The following NEBL variants were observed in gnomAD, a reference collection of about 807,000 sequenced individuals.
NEBL encodes the protein LIM and SH3 protein 2.
A neutral mutation model predicts 140.2 loss-of-function variants in NEBL; 122 were observed. The ratio of observed to expected loss-of-function variants is 0.87; its 90% CI spans 0.75 to 1.01. The LOEUF (loss-of-function observed/expected upper bound fraction) is 1.01, where lower values mean the gene tolerates loss of function less well. Ranked by LOEUF, NEBL falls within the 50% of genes least tolerant of loss-of-function variation. NEBL has a pLI of 0.00. For synonymous variants in NEBL, 436 were observed against 398.9 expected (o/e 1.09, Z -1.11); for missense variants, 1,365 against 1,231.3 (o/e 1.11, Z -1.62).
chr10:20,810,650 C>G (rs1326204523), intron 24 of NEBL, among the ~76,000 whole-genome samples: 1 of 152,200 alleles, frequency 6.6e-6, no homozygotes, highest in Non-Finnish European at 1.5e-5. Flanking sequence ...ATTTTAATAA[C>G]TTCTGAATTC....
chr10:20,890,064 G>A, intron 2 of NEBL, 115 bp from the exon 3 acceptor site: 2 of 687,258 alleles, frequency 2.9e-6, no homozygotes, highest in Non-Finnish European at 5.0e-6. Flanking sequence ...ACTCAAGTGT[G>A]AAAGGGACCT....
chr10:21,029,233 G>A, intron 2 of NEBL: 3 of 1,504,654 alleles, frequency 2.0e-6, no homozygotes, highest in Non-Finnish European at 2.8e-6. Flanking sequence ...TGCTCCACCG[G>A]CTGCTCGGGA....
rs1838192482 is a variant in NEBL at position 20,811,939 on chromosome 10, CA to C, written c.2518+829del. Among the ~76,000 whole-genome samples, 3 of 152,190 alleles carry C rather than the reference CA, an allele frequency of 2.0e-5. No individual in the cohort carries two copies. The South Asian group carries it at 6.2e-4, about 31-fold the overall frequency. ...TTCAGTATGATCTTTTCTGATATCT[CA>C]GCCACCATTCAACAAATATCCTTCT... On this transcript the variant is annotated intron_variant, in intron 24 of 27. Transcript: ENST00000377122.
chr10:20,958,195 A>G (rs1316069444), intron 4 of NEBL, among the ~76,000 whole-genome samples: 2 of 152,234 alleles, frequency 1.3e-5, no homozygotes, highest in Non-Finnish European at 2.9e-5. Context: ...CCTTGGGCAC[A>G]GTATTCCTCA....
chr10:20,819,358 G>T (rs906130401), intron 20 of NEBL, 66 bp downstream of exon 20: 2 of 1,609,988 alleles, frequency 1.2e-6, no homozygotes, highest in Non-Finnish European at 1.7e-6. Flanking sequence ...GCCTTCCAAA[G>T]GGCATATTTT....
intron 19 of NEBL, among the ~76,000 whole-genome samples, chr10:20,819,780 A>G (rs972543963): frequency 1.3e-5 from 2 of 152,012 alleles, no homozygotes; most frequent in African/African-American, 4.8e-5. Context: ...GCTGGAGTGC[A>G]GTGGCGTCAT....
intron 2 of NEBL, among the ~76,000 whole-genome samples, chr10:21,071,781 CA>C (rs2131905538): frequency 6.8e-6 from 1 of 146,466 alleles, no homozygotes; most frequent in South Asian, 2.2e-4. Context: ...ATCAGAGGTC[CA>C]AAATCAAAGT....
chr10:21,256,948 A>C (rs1366635952), intron 1 of NEBL, among the ~76,000 whole-genome samples: 1 of 152,224 alleles, frequency 6.6e-6, no homozygotes, highest in Non-Finnish European at 1.5e-5. Flanking sequence ...AAGCAGAAAT[A>C]CCATATAATG....
chr10:20,972,599 T>C lies in NEBL; in HGVS notation c.250-10820A>G, dbSNP rs542797637. On this transcript the variant is annotated intron_variant, in intron 3 of 6. Transcript: ENST00000417816. Reference sequence around the variant, plus strand: ...CTCTACTAAAAATACAAAAAAAAATTAGCTGGGCATGGCAGTGCGCACCTG... The same window carrying C: ...CTCTACTAAAAATACAAAAAAAAATCAGCTGGGCATGGCAGTGCGCACCTG... 5.9e-5 allele frequency among the ~76,000 whole-genome samples: 9 copies of C among 151,756 alleles called. No homozygotes were observed. The East Asian group carries it at 1.2e-3, about 20-fold the overall frequency.
chr10:20,993,456 A>C (rs1355110582), intron 3 of NEBL, among the ~76,000 whole-genome samples: 1 of 152,246 alleles, frequency 6.6e-6, no homozygotes, highest in African/African-American at 2.4e-5. Context: ...AAACTAGCCC[A>C]AAAGTCAGTG....
rs569862693 is a variant in NEBL at position 20,923,604 on chromosome 10, G to A, written c.357+38068C>T. Among the ~76,000 whole-genome samples the A allele has an allele frequency of 7.3e-5, 10 of 136,484 alleles. No homozygotes were observed. In the East Asian group the frequency reaches 8.6e-4, roughly 12 times the overall value. The allele number at this position is 136,484 out of a possible 152,430, so 89.5% of individuals were successfully genotyped here. ...TGAGTCAGGAGAATCGCTTGAACCC[G>A]GGAGGTGGAAATTGCAGTGAGCCGA... On this transcript the variant is annotated intron_variant, in intron 4 of 6. Transcript: ENST00000417816.
intron 4 of NEBL, among the ~76,000 whole-genome samples, chr10:20,935,401 T>C (rs1402774666): frequency 6.6e-6 from 1 of 152,162 alleles, no homozygotes; most frequent in African/African-American, 2.4e-5. Context: ...ATTATCAGCA[T>C]CTCTTCATCG....
At chr10:21,055,913 G>A (rs1168737254) in intron 2 of NEBL, among the ~76,000 whole-genome samples, 2 of 152,218 alleles carry the variant, frequency 1.3e-5, no homozygotes, top group Non-Finnish European at 2.9e-5. Flanking sequence ...ATCAGCCAGA[G>A]TATCTTGGCT....
intron 7 of NEBL, among the ~76,000 whole-genome samples, chr10:20,861,660 C>T (rs776892837): frequency 6.6e-6 from 1 of 152,184 alleles, no homozygotes; most frequent in Non-Finnish European, 1.5e-5. Flanking sequence ...ACTGTATTAG[C>T]TAAATGGTAA....
At chr10:20,995,233 C>A (rs1040085458) in intron 3 of NEBL, among the ~76,000 whole-genome samples, 1 of 152,056 alleles carries the variant, frequency 6.6e-6, no homozygotes, top group Non-Finnish European at 1.5e-5. Flanking sequence ...AACAGGAGCC[C>A]AGAGCTGACA....
At chr10:21,292,358 AG>A (rs1323300770) in intron 1 of NEBL, among the ~76,000 whole-genome samples, 1 of 152,242 alleles carries the variant, frequency 6.6e-6, no homozygotes, top group Non-Finnish European at 1.5e-5. Flanking sequence ...ATTAAATGAT[AG>A]GCAAACCAGA....
chr10:20,942,427 C>T (rs1400666735), intron 4 of NEBL, among the ~76,000 whole-genome samples: 1 of 152,114 alleles, frequency 6.6e-6, no homozygotes, highest in Non-Finnish European at 1.5e-5. Flanking sequence ...ACACCTTATA[C>T]AAAAATTAAT....
At chr10:20,944,329 G>A (rs1020457818) in intron 4 of NEBL, among the ~76,000 whole-genome samples, 7 of 152,134 alleles carry the variant, frequency 4.6e-5, no homozygotes, top group Non-Finnish European at 7.3e-5. Context: ...GAACCTGGGA[G>A]GCGGAGGGTG....
intron 3 of NEBL, among the ~76,000 whole-genome samples, chr10:20,977,872 G>C (rs563786273): frequency 6.6e-6 from 1 of 152,062 alleles, no homozygotes; most frequent in African/African-American, 2.4e-5. Flanking sequence ...ATACAGCCCC[G>C]GTTTTATCTG....
Sources: allele counts gnomAD v4.1 joint callset (sites outside exome capture counted in the v4.1 genomes callset), GRCh38; gene constraint gnomAD v4.1.1; transcripts MANE v1.5; gene names NCBI Gene and HGNC (gene_info 2026-07-23, HGNC 2026-07-21).